DCAF8L2: variants seen among roughly 807,000 people sequenced by gnomAD.
The protein encoded by DCAF8L2 is DDB1- and CUL4-associated factor 8-like protein 2.
For missense variants in DCAF8L2, 430 were observed against 490.7 expected, an observed-to-expected ratio of 0.88 and a Z score of 1.17; for synonymous variants, 200 against 190.9, an observed-to-expected ratio of 1.05 and a Z score of -0.39.
intron 2 of DCAF8L2, among the ~76,000 whole-genome samples, chrX:27,668,626 A>G (rs1929826234): frequency 8.9e-6 from 1 of 111,740 alleles, no homozygotes; most frequent in African/African-American, 3.3e-5. Context: ...GAGATCATAA[A>G]TTACCAGACA....
chrX:27,641,808 T>C (rs925798897), intron 2 of DCAF8L2, among the ~76,000 whole-genome samples: 1 of 110,730 alleles, frequency 9.0e-6, no homozygotes, highest in Non-Finnish European at 1.9e-5. Flanking sequence ...TTACTCTGCA[T>C]AACGTGTGTT....
At chrX:27,616,300 T>A (rs1252373091) in intron 1 of DCAF8L2, among the ~76,000 whole-genome samples, 1 of 110,733 alleles carries the variant, frequency 9.0e-6, no homozygotes, top group Non-Finnish European at 1.9e-5. Flanking sequence ...TAGTGAATAA[T>A]CCTCTCTTAG....
chrX:27,652,661 G>A (rs906376222), intron 2 of DCAF8L2, among the ~76,000 whole-genome samples: 1 of 111,980 alleles, frequency 8.9e-6, no homozygotes, highest in African/African-American at 3.2e-5. Context: ...TAATAAGGTA[G>A]CCACTAATTC....
the DCAF8L2 span, among the ~76,000 whole-genome samples, chrX:27,477,117 G>A: frequency 1.8e-5 from 2 of 111,747 alleles, no homozygotes; most frequent in Non-Finnish European, 3.8e-5. Context: ...TTTCTTTTCC[G>A]GAAAGGAATA....
chrX:27,598,914 A>G (rs951574141), intron 1 of DCAF8L2, among the ~76,000 whole-genome samples: 1 of 106,951 alleles, frequency 9.4e-6, no homozygotes, highest in African/African-American at 3.4e-5. Context: ...TGTTGGAAGG[A>G]ATGTAAAACG....
At chrX:27,546,451 C>A in the DCAF8L2 span, among the ~76,000 whole-genome samples, 3 of 111,916 alleles carry the variant, frequency 2.7e-5, no homozygotes, top group African/African-American at 9.7e-5. Flanking sequence ...CCTCTTCTTA[C>A]AACTTCACTA....
At chrX:27,486,503 G>A in the DCAF8L2 span, among the ~76,000 whole-genome samples, 1 of 111,332 alleles carries the variant, frequency 9.0e-6, no homozygotes, top group Non-Finnish European at 1.9e-5. Flanking sequence ...CAATTTTATT[G>A]AGGTATTATT....
At chrX:27,525,106 A>T in the DCAF8L2 span, among the ~76,000 whole-genome samples, 1 of 111,330 alleles carries the variant, frequency 9.0e-6, no homozygotes, top group Non-Finnish European at 1.9e-5. Context: ...TGTCTCGTTG[A>T]TCTGTCTAAT....
At chrX:27,518,341 A>T in the DCAF8L2 span, 1 of 1,069,086 alleles carries the variant, frequency 9.4e-7, no homozygotes, top group Non-Finnish European at 1.3e-6. Flanking sequence ...AGAATACAGA[A>T]CTGGCATGAA....
At chrX:27,584,891 T>C in the DCAF8L2 span, among the ~76,000 whole-genome samples, 2 of 111,679 alleles carry the variant, frequency 1.8e-5, no homozygotes, top group African/African-American at 6.5e-5. Context: ...TTTGTCACGC[T>C]GAGCAGAATG....
At chrX:27,576,418 T>G in the DCAF8L2 span, among the ~76,000 whole-genome samples, 1 of 112,199 alleles carries the variant, frequency 8.9e-6, no homozygotes, top group Admixed American at 9.5e-5. Flanking sequence ...TACATCCGGC[T>G]ATATTAAGAG....
At chrX:27,665,975 G>A (rs1302675907) in intron 2 of DCAF8L2, among the ~76,000 whole-genome samples, 4 of 111,283 alleles carry the variant, frequency 3.6e-5, no homozygotes, top group East Asian at 2.8e-4. Context: ...TATTGTAGTC[G>A]TCTGGATCCT....
the DCAF8L2 span, among the ~76,000 whole-genome samples, chrX:27,539,803 A>G: frequency 9.0e-6 from 1 of 111,136 alleles, no homozygotes; most frequent in Non-Finnish European, 1.9e-5. Context: ...AAGGCACTGT[A>G]TGTAGAGCCT....
At chrX:27,641,414 C>T (rs757164225) in intron 2 of DCAF8L2, among the ~76,000 whole-genome samples, 1 of 110,078 alleles carries the variant, frequency 9.1e-6, no homozygotes, top group East Asian at 2.9e-4. Flanking sequence ...TTGAACTGTT[C>T]CCAACATAAA....
chrX:27,576,602 A>T, the DCAF8L2 span, among the ~76,000 whole-genome samples: 1 of 112,021 alleles, frequency 8.9e-6, no homozygotes, highest in Non-Finnish European at 1.9e-5. Context: ...TCAGCAAAAA[A>T]TAATCACTGT....
At chrX:27,517,497 GAA>G in the DCAF8L2 span, among the ~76,000 whole-genome samples, 1 of 81,671 alleles carries the variant, frequency 1.2e-5, no homozygotes, top group African/African-American at 4.4e-5. Context: ...ACCTTCAACA[GAA>G]AAAAAAAAAA....
the DCAF8L2 span, among the ~76,000 whole-genome samples, chrX:27,572,249 A>C: frequency 9.0e-6 from 1 of 111,656 alleles, no homozygotes; most frequent in East Asian, 2.8e-4. Context: ...GATTGTTATC[A>C]TACAGTCAAG....
chrX:27,581,839 A>C, the DCAF8L2 span, among the ~76,000 whole-genome samples: 4 of 112,109 alleles, frequency 3.6e-5, no homozygotes, highest in Non-Finnish European at 7.5e-5. Flanking sequence ...CCACCTCGGC[A>C]TCCCAAAGTG....
chrX:27,693,809 C>G (rs1357718568), intron 3 of DCAF8L2, among the ~76,000 whole-genome samples: 4 of 111,927 alleles, frequency 3.6e-5, no homozygotes, highest in Non-Finnish European at 7.5e-5. Context: ...TTGGATATTT[C>G]TCAAATAACT....
Sources: gnomAD v4.1 joint callset for allele counts (sites outside exome capture counted in the v4.1 genomes callset) on GRCh38, gnomAD v4.1.1 for gene constraint, MANE v1.5 for transcripts, NCBI Gene and HGNC (gene_info 2026-07-23, HGNC 2026-07-21) for gene names.